TXNL1: variants seen among roughly 807,000 people sequenced by gnomAD.
The protein encoded by TXNL1 is thioredoxin-like protein 1.
Under a neutral mutation model 35.5 loss-of-function variants are expected in TXNL1, and 14 were observed. The ratio of observed to expected loss-of-function variants is 0.39; its 90% CI spans 0.26 to 0.62. The LOEUF (loss-of-function observed/expected upper bound fraction) is 0.62, where lower values mean the gene tolerates loss of function less well. TXNL1 is among the 20% of genes least tolerant of loss of function. The pLI is 0.47. For missense variants in TXNL1, 263 were observed against 349.7 expected, an observed-to-expected ratio of 0.75 and a Z score of 1.98; for synonymous variants, 110 against 115.5, an observed-to-expected ratio of 0.95 and a Z score of 0.31.
intron 7 of TXNL1, among the ~76,000 whole-genome samples, chr18:56,604,892 C>G (rs2023864278): frequency 6.6e-6 from 1 of 151,818 alleles, no homozygotes. Context: ...TTCTATAGTT[C>G]CTAGGAAATA....
chr18:56,614,491 T>A lies in TXNL1; in HGVS notation c.668A>T (p.Asp223Val). 1 of 1,613,992 alleles carries A rather than the reference T, an allele frequency of 6.2e-7. No individual in the cohort carries two copies. Among genetic ancestry groups the A allele is most frequent in the Non-Finnish European group, 8.5e-7 (1 of 1,179,946 alleles). Residue 223 changes from aspartate (D) to valine (V), a missense_variant, in exon 6 of 8, where the codon GAT (aspartate) becomes GTT (valine). Transcript: ENST00000217515. ...EPTQALELTE[D>V]DIKEDGIVPL... Reference sequence around the variant, plus strand: ...AACAATGCCATCTTCTTTAATATCATCCTCTGTCAGTTCCAGAGCTTGAGT... The same window carrying A: ...AACAATGCCATCTTCTTTAATATCAACCTCTGTCAGTTCCAGAGCTTGAGT...
At chr18:56,616,146 AG>A in intron 5 of TXNL1, 98 bp downstream of exon 5, 64 of 1,093,120 alleles carry the variant, frequency 5.9e-5, no homozygotes, top group Middle Eastern at 3.0e-4. Flanking sequence ...AAAAAAAAAA[AG>A]AAAAAACAAG....
At chr18:56,626,608 G>GTC in intron 1 of TXNL1, 151 bp from the exon 2 acceptor site, 4 of 696,054 alleles carry the variant, frequency 5.7e-6, no homozygotes, top group Non-Finnish European at 9.3e-6. Context: ...TTTAGACAGA[G>GTC]TCTCACTCTG....
At position 56,638,512 on chromosome 18, in the gene TXNL1, G is replaced by A; in HGVS notation, c.-72C>T. ...AACTGAAGGAGAAGACGATCTGGGA[G>A]AGGAAGGAGAGATGCTCAGGAAGGC... On this transcript the variant is annotated 5_prime_UTR_variant, in exon 1 of 8. Transcript: ENST00000217515. 4.1e-6 allele frequency: 6 copies of A among 1,478,980 alleles called. No homozygotes were observed. Among genetic ancestry groups the A allele is most frequent in the Admixed American group, 2.0e-5 (1 of 50,192 alleles). 91.6% of individuals were successfully genotyped at this position (1,478,980 alleles called of 1,614,324 possible).
At chr18:56,633,489 C>A (rs1280679409) in intron 1 of TXNL1, among the ~76,000 whole-genome samples, 1 of 148,150 alleles carries the variant, frequency 6.7e-6, no homozygotes, top group South Asian at 2.1e-4. Context: ...CATAGTGGTG[C>A]GTGCCTGTAG....
intron 1 of TXNL1, among the ~76,000 whole-genome samples, chr18:56,631,942 C>T (rs1296749401): frequency 1.4e-5 from 2 of 146,782 alleles, no homozygotes; most frequent in Non-Finnish European, 3.0e-5. Context: ...AAAAAAGGAA[C>T]CCACAAAACT....
At chr18:56,615,617 TAAAAG>T (rs1047511398) in intron 5 of TXNL1, among the ~76,000 whole-genome samples, 22 of 152,028 alleles carry the variant, frequency 1.4e-4, no homozygotes, top group African/African-American at 5.3e-4. Flanking sequence ...TTCCTCAAAA[TAAAAG>T]GAATTTGAAA....
At position 56,638,580 on chromosome 18, in the gene TXNL1, C is replaced by T. The variant is rs961241825; in HGVS notation, c.-140G>A. 2 of 635,046 alleles carry T rather than the reference C, an allele frequency of 3.1e-6. No homozygotes were observed. Among genetic ancestry groups the T allele is most frequent in the African/African-American group, 3.9e-5 (2 of 51,424 alleles). The allele number at this position is 635,046 out of a possible 1,614,324, so 39.3% of individuals were successfully genotyped here. On this transcript the variant is annotated 5_prime_UTR_variant, in exon 1 of 8. Coordinates refer to ENST00000217515, the MANE Select transcript of TXNL1 (RefSeq NM_004786.3). ...AGGTGGCGACCGCCGAGTCTTCTCC[C>T]GGGACTCTCAGTGCCGAGTCACGCC...
intron 1 of TXNL1, among the ~76,000 whole-genome samples, chr18:56,630,062 G>C (rs1486072761): frequency 6.6e-6 from 1 of 152,170 alleles, no homozygotes; most frequent in Non-Finnish European, 1.5e-5. Flanking sequence ...AGCCAGGCGT[G>C]ATAGCGGATG....
At chr18:56,607,484 A>C (rs959806286) in intron 7 of TXNL1, among the ~76,000 whole-genome samples, 2 of 152,108 alleles carry the variant, frequency 1.3e-5, no homozygotes, top group East Asian at 3.9e-4. Flanking sequence ...TACTGTGCCT[A>C]ATTTATACAT....
chr18:56,609,884 C>G (rs977519250), intron 7 of TXNL1: 1 of 152,182 alleles, frequency 6.6e-6, no homozygotes, highest in African/African-American at 2.4e-5. Flanking sequence ...CGCTATGAGA[C>G]AGGAAAATAG....
intron 3 of TXNL1, among the ~76,000 whole-genome samples, chr18:56,622,317 G>C (rs80289758): frequency 0.016 from 2,372 of 152,158 alleles, 55 homozygotes; most frequent in African/African-American, 0.052. Context: ...TAAATGCAAT[G>C]CATGATCCTT....
In TXNL1 at chr18:56,602,868, A is replaced by C; in HGVS notation, c.*159T>G. The C allele has an allele frequency of 1.3e-6, 1 of 799,672 alleles. No individual in the cohort carries two copies. The highest frequency in any genetic ancestry group is 2.0e-6 in the Non-Finnish European group (1 of 491,782). 49.5% of individuals were successfully genotyped at this position (799,672 alleles called of 1,614,324 possible). On this transcript the variant is annotated 3_prime_UTR_variant, in exon 8 of 8. Coordinates refer to ENST00000217515, the MANE Select transcript of TXNL1 (RefSeq NM_004786.3). Reference sequence around the variant, plus strand: ...ACTTTTATTTACAATTGCATGTGTCAAGATTACAATGGAAACACTAGTGAT... The same window carrying C: ...ACTTTTATTTACAATTGCATGTGTCCAGATTACAATGGAAACACTAGTGAT...
intron 7 of TXNL1, chr18:56,610,288 C>T (rs2023969086): frequency 6.6e-6 from 1 of 152,300 alleles, no homozygotes; most frequent in African/African-American, 2.4e-5. Context: ...TAATCTCTGG[C>T]TGTATATTTA....
Position 56,605,834 on chromosome 18 carries a change from T to C in TXNL1, c.841-2778A>G, listed in dbSNP as rs554671099. ...AGGTTGTCTAAGATTTCTGTCCACA[T>C]TGGAGATTCAACAGCATTACCTTAG... On this transcript the variant is annotated intron_variant, in intron 7 of 7. Transcript: ENST00000217515. Among the ~76,000 whole-genome samples the C allele has an allele frequency of 1.1e-4, 17 of 152,332 alleles. No individual in the cohort carries two copies. The East Asian group carries it at 1.9e-3, about 17-fold the overall frequency.
Position 56,616,334 on chromosome 18 carries a change from A to G in TXNL1, c.493-20T>C. ...AAGCAGCTGTGAAGATAAGAGTTTCATTTTAAAGGGCTCTTGTACACACCT... is the reference window on the plus strand; with the variant it reads ...AAGCAGCTGTGAAGATAAGAGTTTCGTTTTAAAGGGCTCTTGTACACACCT... On this transcript the variant is annotated intron_variant, in intron 4 of 7. Transcript: ENST00000217515. 6.2e-7 allele frequency: 1 copy of G among 1,608,940 alleles called. No homozygotes were observed. The highest frequency in any genetic ancestry group is 1.1e-5 in the South Asian group (1 of 90,894).
rs1348621457 is a variant in TXNL1 at position 56,602,110 on chromosome 18, AG to A, written c.*916del. The A allele has an allele frequency of 6.6e-6, 1 of 152,204 alleles. No homozygotes were observed. The highest frequency in any genetic ancestry group is 1.5e-5 in the Non-Finnish European group (1 of 68,088). The allele number at this position is 152,204 out of a possible 1,614,324, so 9.4% of individuals were successfully genotyped here. On this transcript the variant is annotated 3_prime_UTR_variant, in exon 8 of 8. Transcript: ENST00000217515. Reference sequence around the variant, plus strand: ...ACTGCAACCTCTGCCTCCCGGGTTCAGCCGATTCTTCTGTCTCAGCCTCCCA... The same window carrying A: ...ACTGCAACCTCTGCCTCCCGGGTTCACCGATTCTTCTGTCTCAGCCTCCCA...
At chr18:56,618,800 T>C (rs1358540508) in intron 3 of TXNL1, among the ~76,000 whole-genome samples, 1 of 152,070 alleles carries the variant, frequency 6.6e-6, no homozygotes, top group Non-Finnish European at 1.5e-5. Context: ...CAATCAATAA[T>C]TCCTTAACAC....
In TXNL1 at chr18:56,614,502, T is replaced by C. The variant is rs774641374; in HGVS notation, c.657A>G (p.Glu219=). The C allele has an allele frequency of 1.4e-5, 22 of 1,613,882 alleles. No individual in the cohort carries two copies. The highest frequency in any genetic ancestry group is 1.8e-5 in the Non-Finnish European group (21 of 1,179,960). The change falls in exon 6 of 8, where the codon GAA becomes GAG. Residue 219 remains glutamate, a synonymous_variant. Transcript: ENST00000217515. ...AERSEPTQAL[E]LTEDDIKEDG... ...CTTCTTTAATATCATCCTCTGTCAGTTCCAGAGCTTGAGTTGGTTCACTTC... is the reference window on the plus strand; with the variant it reads ...CTTCTTTAATATCATCCTCTGTCAGCTCCAGAGCTTGAGTTGGTTCACTTC...
Sources: gnomAD v4.1 joint callset for allele counts (sites outside exome capture counted in the v4.1 genomes callset) on GRCh38, gnomAD v4.1.1 for gene constraint, MANE v1.5 for transcripts, NCBI Gene and HGNC (gene_info 2026-07-23, HGNC 2026-07-21) for gene names.